Variants in ERBB4 observed in about 807,000 individuals in gnomAD.
ERBB4 encodes the protein receptor tyrosine-protein kinase erbB-4.
ERBB4 carries 42 observed loss-of-function variants against 158.0 expected under a neutral mutation model. The observed-to-expected ratio is 0.27, with a 90% CI of 0.21 to 0.34. ERBB4 has a LOEUF of 0.34. Among genes scored for constraint, ERBB4 ranks in the 10% least tolerant of loss-of-function variants. ERBB4 has a pLI of 1.00. For synonymous variants in ERBB4, 583 were observed against 558.7 expected, an observed-to-expected ratio of 1.04 and a Z score of -0.61; for missense variants, 1,333 against 1,624.1, an observed-to-expected ratio of 0.82 and a Z score of 3.08.
chr2:212,037,360 C>T (rs1207371690), intron 2 of ERBB4, among the ~76,000 whole-genome samples: 1 of 152,116 alleles, frequency 6.6e-6, no homozygotes, highest in African/African-American at 2.4e-5. Flanking sequence ...TGGAAGATCA[C>T]AGATGTAACA....
intron 20 of ERBB4, among the ~76,000 whole-genome samples, chr2:211,514,519 C>CA (rs2065973373): frequency 6.6e-6 from 1 of 152,162 alleles, no homozygotes; most frequent in African/African-American, 2.4e-5. Flanking sequence ...AACAGTGACT[C>CA]AATCTTCACT....
At chr2:211,727,789 C>A (rs746572980) in intron 5 of ERBB4, among the ~76,000 whole-genome samples, 1 of 151,934 alleles carries the variant, frequency 6.6e-6, no homozygotes, top group Non-Finnish European at 1.5e-5. Context: ...CTATGTAGTA[C>A]AACCAATACA....
intron 1 of ERBB4, among the ~76,000 whole-genome samples, chr2:212,198,054 C>T (rs1227231207): frequency 6.6e-6 from 1 of 151,980 alleles, no homozygotes; most frequent in East Asian, 1.9e-4. Context: ...ACATAATATG[C>T]CGTAATGTAT....
intron 25 of ERBB4, among the ~76,000 whole-genome samples, chr2:211,419,199 C>T (rs1375168596): frequency 6.6e-6 from 1 of 152,092 alleles, no homozygotes; most frequent in Non-Finnish European, 1.5e-5. Context: ...CTTCCACTGA[C>T]TAGCTGTGTG....
intron 5 of ERBB4, among the ~76,000 whole-genome samples, chr2:211,739,691 G>C (rs542078144): frequency 6.6e-6 from 1 of 152,158 alleles, no homozygotes; most frequent in South Asian, 2.1e-4. Context: ...GGATGGTCTC[G>C]ATCTCTTGAC....
At chr2:211,702,705 T>C (rs1469165865) in intron 11 of ERBB4, among the ~76,000 whole-genome samples, 1 of 152,138 alleles carries the variant, frequency 6.6e-6, no homozygotes, top group Non-Finnish European at 1.5e-5. Context: ...TAGTAAAATG[T>C]AAAGAATCAA....
chr2:211,445,244 A>G (rs1462330937), intron 20 of ERBB4, among the ~76,000 whole-genome samples: 1 of 152,152 alleles, frequency 6.6e-6, no homozygotes, highest in African/African-American at 2.4e-5. Flanking sequence ...GCACATTAGA[A>G]AGAATCAAGG....
At chr2:212,095,122 G>T (rs115932043) in intron 2 of ERBB4, among the ~76,000 whole-genome samples, 1 of 152,096 alleles carries the variant, frequency 6.6e-6, no homozygotes, top group Non-Finnish European at 1.5e-5. Context: ...TTGCTAGATT[G>T]TAAGAATTAG....
At chr2:212,153,729 A>G (rs549393932) in intron 1 of ERBB4, among the ~76,000 whole-genome samples, 53 of 152,296 alleles carry the variant, frequency 3.5e-4, no homozygotes, top group African/African-American at 1.2e-3. Context: ...ACCATGTGAC[A>G]CAGAGCTTTT....
At chr2:212,144,958 A>G (rs990592103) in intron 1 of ERBB4, among the ~76,000 whole-genome samples, 2 of 152,212 alleles carry the variant, frequency 1.3e-5, no homozygotes, top group Non-Finnish European at 2.9e-5. Context: ...CGTGTTTAAC[A>G]GTTGATATCT....
chr2:212,116,151 C>T (rs554351890), intron 2 of ERBB4, among the ~76,000 whole-genome samples: 9 of 151,506 alleles, frequency 5.9e-5, no homozygotes, highest in Admixed American at 5.3e-4. Context: ...TCCTGGAAAG[C>T]GGTTGCTAAT....
chr2:212,057,203 A>G lies in ERBB4; in HGVS notation c.234+67549T>C, dbSNP rs1252961583. 3.3e-5 allele frequency among the ~76,000 whole-genome samples: 5 copies of G among 152,252 alleles called. No homozygotes were observed. The East Asian group carries it at 7.7e-4, about 23-fold the overall frequency. On this transcript the variant is annotated intron_variant, in intron 2 of 27. Transcript: ENST00000342788. ...AAAGAAGAGCATTACATAATGGTAA[A>G]GGGATCAATTCAACAAGAAGAGCTA...
intron 20 of ERBB4, among the ~76,000 whole-genome samples, chr2:211,549,551 CG>C (rs1475118028): frequency 6.6e-6 from 1 of 152,026 alleles, no homozygotes; most frequent in African/African-American, 2.4e-5. Context: ...CCACGTTGAT[CG>C]GGTACAAGAG....
chr2:212,081,542 G>A (rs1173598742), intron 2 of ERBB4, among the ~76,000 whole-genome samples: 1 of 152,076 alleles, frequency 6.6e-6, no homozygotes, highest in Non-Finnish European at 1.5e-5. Context: ...TGGTGCTAAT[G>A]TTATATATGT....
chr2:211,739,460 CTATT>C (rs569131942), intron 5 of ERBB4, among the ~76,000 whole-genome samples: 2 of 151,920 alleles, frequency 1.3e-5, no homozygotes, highest in African/African-American at 4.8e-5. Flanking sequence ...AAACATCTGG[CTATT>C]TATTTATTTA....
At chr2:211,726,173 C>G (rs554847207) in intron 5 of ERBB4, among the ~76,000 whole-genome samples, 7 of 152,264 alleles carry the variant, frequency 4.6e-5, no homozygotes, top group African/African-American at 1.7e-4. Context: ...AACAGATCTT[C>G]TAAGCTTTCT....
intron 19 of ERBB4, among the ~76,000 whole-genome samples, chr2:211,591,647 C>G (rs1366883257): frequency 6.6e-6 from 1 of 152,242 alleles, no homozygotes; most frequent in Non-Finnish European, 1.5e-5. Flanking sequence ...ATAGCACTAA[C>G]TGCACTAGTG....
chr2:211,929,399 CAAAAA>C (rs2080111566), intron 3 of ERBB4, among the ~76,000 whole-genome samples: 1 of 151,900 alleles, frequency 6.6e-6, no homozygotes, highest in African/African-American at 2.4e-5. Context: ...AAAAAGTAAT[CAAAAA>C]GAAAAGAAAA....
intron 9 of ERBB4, among the ~76,000 whole-genome samples, chr2:211,708,462 A>G (rs1320243238): frequency 6.6e-6 from 1 of 152,184 alleles, no homozygotes; most frequent in Admixed American, 6.5e-5. Flanking sequence ...GAGTCTATAT[A>G]AGACTATAAT....
Sources: gnomAD v4.1 joint callset for allele counts (sites outside exome capture counted in the v4.1 genomes callset) on GRCh38, gnomAD v4.1.1 for gene constraint, MANE v1.5 for transcripts, NCBI Gene and HGNC (gene_info 2026-07-23, HGNC 2026-07-21) for gene names.